Variants in QTGAL observed in about 807,000 individuals in gnomAD.
The protein encoded by QTGAL is queuosine-tRNA galactosyltransferase.
chr17:82,999,807 G>T, the QTGAL span, among the ~76,000 whole-genome samples: 1 of 152,144 alleles, frequency 6.6e-6, no homozygotes. Context: ...GTAATGTCAT[G>T]ACTTTTCTCT....
At chr17:83,001,796 G>C in the QTGAL span, among the ~76,000 whole-genome samples, 1 of 151,982 alleles carries the variant, frequency 6.6e-6, no homozygotes, top group Non-Finnish European at 1.5e-5. Context: ...CTTTTTTTGA[G>C]ACAGGGTCTG....
chr17:83,047,682 T>C, the QTGAL span, among the ~76,000 whole-genome samples: 1,936 of 99,286 alleles, frequency 0.019, 34 homozygotes, highest in East Asian at 0.033. Flanking sequence ...TCAATCCTTA[T>C]CAAAGAACAA....
At chr17:83,024,530 G>A in the QTGAL span, among the ~76,000 whole-genome samples, 1 of 152,240 alleles carries the variant, frequency 6.6e-6, no homozygotes, top group Non-Finnish European at 1.5e-5. Context: ...GCTGTTGAGG[G>A]ATAAACATCT....
the QTGAL span, among the ~76,000 whole-genome samples, chr17:83,008,801 C>G: frequency 6.6e-6 from 1 of 151,764 alleles, no homozygotes; most frequent in Non-Finnish European, 1.5e-5. Flanking sequence ...ATGATCCCAG[C>G]CAGGATCCCT....
At chr17:82,949,283 A>G in the QTGAL span, 1 of 152,268 alleles carries the variant, frequency 6.6e-6, no homozygotes, top group Admixed American at 6.5e-5. Flanking sequence ...ATGTATATAT[A>G]CAAATACTGC....
the QTGAL span, chr17:82,946,888 G>T: frequency 1.3e-6 from 2 of 1,556,106 alleles, no homozygotes; most frequent in Non-Finnish European, 1.7e-6. Flanking sequence ...CCTGGGAGCA[G>T]CTGCCATGGG....
At chr17:83,014,519 C>T in the QTGAL span, 1 of 1,614,022 alleles carries the variant, frequency 6.2e-7, no homozygotes, top group Non-Finnish European at 8.5e-7. Context: ...ATGACGTCAT[C>T]CTGCAGTAAA....
At chr17:83,036,757 G>A in the QTGAL span, among the ~76,000 whole-genome samples, 1 of 152,126 alleles carries the variant, frequency 6.6e-6, no homozygotes, top group Non-Finnish European at 1.5e-5. Context: ...TGGGCAGTCT[G>A]GGCAGCCCTC....
chr17:83,011,034 G>A, the QTGAL span, among the ~76,000 whole-genome samples: 1 of 152,272 alleles, frequency 6.6e-6, no homozygotes, highest in Non-Finnish European at 1.5e-5. Context: ...GCTCTGGAAA[G>A]GAGCTGGGTG....
chr17:82,998,005 A>C, the QTGAL span, among the ~76,000 whole-genome samples: 961 of 149,630 alleles, frequency 6.4e-3, 15 homozygotes, highest in African/African-American at 0.022. Context: ...ATATATCTAG[A>C]TATATATAGT....
the QTGAL span, among the ~76,000 whole-genome samples, chr17:82,974,766 A>G: frequency 6.6e-6 from 1 of 152,140 alleles, no homozygotes; most frequent in Non-Finnish European, 1.5e-5. Context: ...GGTCCCCCCC[A>G]CAGCTTGGAA....
chr17:82,989,983 A>G, the QTGAL span, among the ~76,000 whole-genome samples: 1 of 152,206 alleles, frequency 6.6e-6, no homozygotes, highest in South Asian at 2.1e-4. Context: ...CACAATGGAT[A>G]ACCGCTTTCT....
chr17:82,989,311 CG>C, the QTGAL span, among the ~76,000 whole-genome samples: 2 of 150,828 alleles, frequency 1.3e-5, no homozygotes, highest in East Asian at 1.9e-4. Context: ...CATATGGACA[CG>C]GGGGGAACAA....
chr17:82,989,466 C>T, the QTGAL span, among the ~76,000 whole-genome samples: 3 of 144,296 alleles, frequency 2.1e-5, no homozygotes, highest in Non-Finnish European at 4.5e-5. Context: ...AACAAATGTA[C>T]CCCCCATTCT....
the QTGAL span, among the ~76,000 whole-genome samples, chr17:82,959,287 T>C: frequency 4.0e-5 from 6 of 151,886 alleles, no homozygotes; most frequent in East Asian, 9.6e-4. Flanking sequence ...GTGCATGCAG[T>C]ATGAGTACAT....
the QTGAL span, among the ~76,000 whole-genome samples, chr17:82,972,851 A>ACCACAGGGG: frequency 9.3e-6 from 1 of 107,634 alleles, no homozygotes; most frequent in African/African-American, 3.8e-5. Context: ...ACCACACCAC[A>ACCACAGGGG]CTCATAGGGG....
chr17:82,950,341 C>T, the QTGAL span, among the ~76,000 whole-genome samples: 8 of 152,274 alleles, frequency 5.3e-5, no homozygotes, highest in South Asian at 2.1e-4. Context: ...ATAACACATA[C>T]GATAACAGTT....
the QTGAL span, chr17:82,942,586 G>T: frequency 7.3e-7 from 1 of 1,367,132 alleles, no homozygotes; most frequent in Admixed American, 2.0e-5. Flanking sequence ...GCTGGCCCTT[G>T]GAGGCTGGCA....
At chr17:82,970,553 G>A in the QTGAL span, among the ~76,000 whole-genome samples, 2 of 140,758 alleles carry the variant, frequency 1.4e-5, no homozygotes, top group South Asian at 2.1e-4. Context: ...CGCACCCGGC[G>A]TGGCCGCGAC....
Sources: gnomAD v4.1 joint callset for allele counts (sites outside exome capture counted in the v4.1 genomes callset) on GRCh38, gnomAD v4.1.1 for gene constraint, MANE v1.5 for transcripts, NCBI Gene and HGNC (gene_info 2026-07-23, HGNC 2026-07-21) for gene names.